PLEKHA3: variants seen among roughly 807,000 people sequenced by gnomAD.
PLEKHA3 encodes the protein pleckstrin homology domain containing A3.
A neutral mutation model predicts 39.2 loss-of-function variants in PLEKHA3; 19 were observed. The observed-to-expected ratio is 0.48, with a 90% confidence interval of 0.34 to 0.71. The LOEUF (loss-of-function observed/expected upper bound fraction) is 0.71. Ranked by LOEUF, PLEKHA3 falls within the 30% of genes least tolerant of loss-of-function variation. The pLI is 0.01. For synonymous variants in PLEKHA3, 97 were observed against 118.6 expected (o/e 0.82, Z 1.18); for missense variants, 253 against 359.5 (o/e 0.70, Z 2.40).
At chr2:178,493,574 A>T (rs944948627) in intron 3 of PLEKHA3, among the ~76,000 whole-genome samples, 1 of 152,234 alleles carries the variant, frequency 6.6e-6, no homozygotes, top group African/African-American at 2.4e-5. Flanking sequence ...TAAATGGAAG[A>T]TGAGTAATGG....
intron 1 of PLEKHA3, among the ~76,000 whole-genome samples, chr2:178,483,338 A>AT (rs142974431): frequency 0.022 from 3,318 of 150,074 alleles, 59 homozygotes; most frequent in East Asian, 0.039. Flanking sequence ...GATAAAAAGA[A>AT]TTAAAAAAAA....
At chr2:178,496,724 A>T (rs182320037) in intron 5 of PLEKHA3, among the ~76,000 whole-genome samples, 1,527 of 151,786 alleles carry the variant, frequency 0.01, 33 homozygotes, top group African/African-American at 0.035. Flanking sequence ...TTATTTATTT[A>T]TTTTTTTAGA....
intron 2 of PLEKHA3, among the ~76,000 whole-genome samples, chr2:178,487,420 TC>T (rs1216006950): frequency 9.1e-6 from 1 of 110,420 alleles, no homozygotes; most frequent in Non-Finnish European, 1.9e-5. Flanking sequence ...TTTCTTTTTT[TC>T]TTTTTTTTCT....
intron 1 of PLEKHA3, chr2:178,482,123 T>C (rs1043977366): frequency 6.5e-6 from 1 of 153,796 alleles, no homozygotes; most frequent in Non-Finnish European, 1.5e-5. Flanking sequence ...AAAAACTCAA[T>C]TTATTTCTAT....
In PLEKHA3 at chr2:178,515,658, CACTA is replaced by C. The variant is rs1330453659; in HGVS notation, c.*11773_*11776del. 1 of 152,138 alleles carries C rather than the reference CACTA, an allele frequency of 6.6e-6. No individual in the cohort carries two copies. Among genetic ancestry groups the C allele is most frequent in the Non-Finnish European group, 1.5e-5 (1 of 68,006 alleles). 9.4% of individuals were successfully genotyped at this position (152,138 alleles called of 1,614,324 possible). On this transcript the variant is annotated 3_prime_UTR_variant, in exon 8 of 8. Coordinates refer to ENST00000234453, the MANE Select transcript of PLEKHA3 (RefSeq NM_019091.4). ...CTTCAGTTAATATTCATTGACCACT[CACTA>C]AGTGTTATGTTGCTAGTATTTATCT...
chr2:178,492,890 G>A (rs1401505426), intron 3 of PLEKHA3, among the ~76,000 whole-genome samples: 1 of 152,184 alleles, frequency 6.6e-6, no homozygotes, highest in African/African-American at 2.4e-5. Context: ...ATACTTAAAA[G>A]TGGTTAAAAT....
At position 178,516,458 on chromosome 2, in the gene PLEKHA3, T is replaced by G. The variant is rs2154128430; in HGVS notation, c.*12571T>G. The G allele has an allele frequency of 6.6e-6, 1 of 152,316 alleles. No individual in the cohort carries two copies. The highest frequency in any genetic ancestry group is 1.9e-4 in the East Asian group (1 of 5,184). 9.4% of individuals were successfully genotyped at this position (152,316 alleles called of 1,614,324 possible). ...TATAAATTCAATAAAACCTGAGTGA[T>G]GTGAACAGTGTGGGGGAAAATGTTT... On this transcript the variant is annotated 3_prime_UTR_variant, in exon 8 of 8. Transcript: ENST00000234453.
intron 1 of PLEKHA3, among the ~76,000 whole-genome samples, chr2:178,484,394 C>T (rs143820410): frequency 9.8e-5 from 15 of 152,300 alleles, no homozygotes; most frequent in African/African-American, 3.6e-4. Flanking sequence ...TTACTGCATT[C>T]CCTGCCTTCC....
intron 1 of PLEKHA3, 142 bp downstream of exon 1, chr2:178,481,051 CTTCT>C: frequency 1.4e-6 from 1 of 704,564 alleles, no homozygotes; most frequent in Non-Finnish European, 2.0e-6. Flanking sequence ...TTGTTGAGTC[CTTCT>C]GGCCTCTTCA....
chr2:178,487,259 C>T (rs768999436), intron 2 of PLEKHA3, among the ~76,000 whole-genome samples: 1 of 151,886 alleles, frequency 6.6e-6, no homozygotes, highest in Non-Finnish European at 1.5e-5. Flanking sequence ...ATATCAAGGG[C>T]GGGTGATGAA....
At position 178,501,127 on chromosome 2, in the gene PLEKHA3, C is replaced by T. The variant is rs1685523765; in HGVS notation, c.726C>T (p.Thr242=). 6.2e-7 allele frequency: 1 copy of T among 1,613,280 alleles called. No homozygotes were observed. Among genetic ancestry groups the T allele is most frequent in the South Asian group, 1.1e-5 (1 of 91,060 alleles). ...LHRLSQRRRR[T]YSDTDSCSDI... is the part of the protein sequence containing the mutation. ...GACTCTCCCAGCGACGCCGAAGAAC[C>T]TACTCAGATACAGATTCTTGTAGTG... The change falls in exon 7 of 8, where the codon ACC becomes ACT. Residue 242 remains threonine (T), a synonymous_variant. Coordinates refer to ENST00000234453, the MANE Select transcript of PLEKHA3 (RefSeq NM_019091.4).
rs1208690380 is a variant in PLEKHA3 at position 178,485,817 on chromosome 2, TA to T, written c.157+61del. The T allele has an allele frequency of 3.2e-6, 4 of 1,266,902 alleles. No individual in the cohort carries two copies. In the African/African-American group the frequency reaches 5.9e-5, roughly 19 times the overall value. 78.5% of individuals were successfully genotyped at this position (1,266,902 alleles called of 1,614,324 possible). A position where few individuals can be genotyped will look rare whatever the true frequency, so the allele number is the denominator to read the frequency against. ...TTAGATAGTCAAGGGTTCTTCAGCA[TA>T]CTCCAGACGAGGAAAAAAAGCATTT... On this transcript the variant is annotated intron_variant, in intron 2 of 7. Transcript: ENST00000234453.
chr2:178,481,024 C>T (rs1228036535), intron 1 of PLEKHA3, 115 bp downstream of exon 1: 13 of 977,896 alleles, frequency 1.3e-5, no homozygotes, highest in Non-Finnish European at 1.8e-5. Flanking sequence ...CGAATTCGCT[C>T]TACTCGATTC....
In PLEKHA3 at chr2:178,495,623, C is replaced by A. The variant is rs746559200; in HGVS notation, c.578C>A (p.Pro193His). The A allele has an allele frequency of 1.4e-5, 22 of 1,612,648 alleles. No homozygotes were observed. The highest frequency in any genetic ancestry group is 1.9e-5 in the Non-Finnish European group (22 of 1,179,318). Residue 193 changes from proline (P) to histidine (H), a missense_variant, in exon 5 of 8, where the codon CCC becomes CAC. By Grantham distance (77) the Pro-to-His change is moderately conservative. This residue lies in a region of PLEKHA3 where 127 missense variants were observed against 136.8 expected (regional missense o/e 0.93). Transcript: ENST00000234453. ...PEMFQLHHPD[P>H]LVSPVSPSPV... ...ATGTTTCAACTGCACCATCCGGATC[C>A]CTTAGTTTCTCCTGTGTCACCTTCT...
At chr2:178,486,733 T>C (rs1245904759) in intron 2 of PLEKHA3, among the ~76,000 whole-genome samples, 3 of 152,392 alleles carry the variant, frequency 2.0e-5, no homozygotes, top group East Asian at 1.9e-4. Flanking sequence ...CAGTATTCCA[T>C]TGTGTGAATA....
rs756576537 is a variant in PLEKHA3 at position 178,506,971 on chromosome 2, G to A, written c.*3084G>A. On this transcript the variant is annotated 3_prime_UTR_variant, in exon 8 of 8. Transcript: ENST00000234453. The stretch of plus-strand genomic sequence containing the variant: ...TTCTGTTGTTTTTTTTTTAATTTTA[G>A]CTTTCTTTTTATTAAACTAGTTAAT... The A allele has an allele frequency of 3.3e-5, 5 of 151,244 alleles. No individual in the cohort carries two copies. The highest frequency in any genetic ancestry group is 7.4e-5 in the Non-Finnish European group (5 of 67,812). 9.4% of individuals were successfully genotyped at this position (151,244 alleles called of 1,614,324 possible).
intron 6 of PLEKHA3, among the ~76,000 whole-genome samples, chr2:178,500,224 G>A (rs1685509182): frequency 6.6e-6 from 1 of 151,970 alleles, no homozygotes; most frequent in Admixed American, 6.6e-5. Context: ...ACTGTTAAAT[G>A]CTGTTTTGTC....
In PLEKHA3 at chr2:178,501,141, A is replaced by G. The variant is rs1685524152; in HGVS notation, c.740A>G (p.Asp247Gly). 6.2e-7 allele frequency: 1 copy of G among 1,613,190 alleles called. No homozygotes were observed. The highest frequency in any genetic ancestry group is 8.5e-7 in the Non-Finnish European group (1 of 1,179,336). ...CGCCGAAGAACCTACTCAGATACAGATTCTTGTAGTGATATTCCTCTTGAA... is the reference window on the plus strand; with the variant it reads ...CGCCGAAGAACCTACTCAGATACAGGTTCTTGTAGTGATATTCCTCTTGAA... ...QRRRRTYSDT[D>G]SCSDIPLEDP... Residue 247 changes from aspartate (D) to glycine (G), a missense_variant, in exon 7 of 8, where the codon GAT becomes GGT. Asp to Gly is a moderately conservative substitution (Grantham distance 94, BLOSUM62 -1). Around this residue, in one of 2 missense-constraint regions of PLEKHA3, gnomAD observed 127 missense variants for 136.8 expected, o/e 0.93. Coordinates refer to ENST00000234453, the MANE Select transcript of PLEKHA3 (RefSeq NM_019091.4).
chr2:178,488,241 T>C (rs1260092957), intron 2 of PLEKHA3, among the ~76,000 whole-genome samples: 3 of 152,220 alleles, frequency 2.0e-5, no homozygotes, highest in Non-Finnish European at 4.4e-5. Context: ...TCTGGTTGAG[T>C]CTTTGTGTTG....
Sources: gnomAD v4.1 joint callset for allele counts (sites outside exome capture counted in the v4.1 genomes callset) on GRCh38, gnomAD v4.1.1 for gene constraint, gnomAD v4.1.1 regional missense constraint, MANE v1.5 for transcripts, NCBI Gene and HGNC (gene_info 2026-07-23, HGNC 2026-07-21) for gene names.